The following DDX59 variants were observed in gnomAD, a reference collection of about 807,000 sequenced individuals.
DDX59 encodes the protein probable ATP-dependent RNA helicase DDX59.
A neutral mutation model predicts 51.9 loss-of-function variants in DDX59; 30 were observed. The observed-to-expected ratio is 0.58, with a 90% CI of 0.43 to 0.78. DDX59 has a LOEUF of 0.78. Ranked by LOEUF, DDX59 falls within the 30% of genes least tolerant of loss-of-function variation. The pLI is 0.00. For synonymous variants in DDX59, 255 were observed against 253.3 expected (o/e 1.01, Z -0.06); for missense variants, 672 against 730.8 (o/e 0.92, Z 0.93).
intron 6 of DDX59, 74 bp from the exon 7 acceptor site, chr1:200,648,641 C>A: frequency 6.8e-7 from 1 of 1,472,692 alleles, no homozygotes; most frequent in African/African-American, 1.4e-5. Context: ...GATAGCTTTT[C>A]TTTTTATAAT....
At chr1:200,658,997 T>G in intron 4 of DDX59, 30 bp downstream of exon 4, 4 of 1,523,158 alleles carry the variant, frequency 2.6e-6, no homozygotes, top group Non-Finnish European at 3.6e-6. Flanking sequence ...TGTAAAATCA[T>G]GTAACTGTTT....
intron 4 of DDX59, among the ~76,000 whole-genome samples, chr1:200,654,195 C>T (rs61825108): frequency 6.6e-6 from 1 of 152,078 alleles, no homozygotes; most frequent in African/African-American, 2.4e-5. Flanking sequence ...GGGCGGATCA[C>T]GAGGTCAGGA....
intron 2 of DDX59, 60 bp downstream of exon 2, chr1:200,665,877 T>C (rs1439953406): frequency 1.3e-6 from 2 of 1,493,628 alleles, no homozygotes; most frequent in Middle Eastern, 1.8e-4. Context: ...AAATGAAACT[T>C]GGTAAATACC....
chr1:200,668,144 C>T (rs1483074874), intron 1 of DDX59, among the ~76,000 whole-genome samples: 2 of 151,688 alleles, frequency 1.3e-5, no homozygotes, highest in Non-Finnish European at 2.9e-5. Flanking sequence ...TAAAACAAAA[C>T]AAAACAAAAA....
In DDX59 at chr1:200,644,418, GC is replaced by G. The variant is rs1558111030; in HGVS notation, c.1695del (p.Lys565AsnfsTer12). On this transcript the variant is annotated frameshift_variant, in exon 8 of 8. Coordinates refer to ENST00000331314, the MANE Select transcript of DDX59 (RefSeq NM_001031725.6). LOFTEE classifies it high-confidence loss of function. ...RLFWDIAKRVKPTGSILPPQL... is the reference protein window; with the variant it reads ...RLFWDIAKRVXPTGSILPPQL... Reference sequence around the variant, plus strand: ...TGAGGGGGAAGAATGGATCCTGTGGGCTTTACTCGTTTTGCAATATCCCAGA... The same window carrying G: ...TGAGGGGGAAGAATGGATCCTGTGGGTTTACTCGTTTTGCAATATCCCAGA... 1 of 1,613,718 alleles carries G rather than the reference GC, an allele frequency of 6.2e-7. No individual in the cohort carries two copies.
At chr1:200,653,199 G>A (rs1232552994) in intron 4 of DDX59, among the ~76,000 whole-genome samples, 1 of 152,154 alleles carries the variant, frequency 6.6e-6, no homozygotes, top group Non-Finnish European at 1.5e-5. Flanking sequence ...GGCCACAACT[G>A]CTTCCCCGAA....
downstream of DDX59, among the ~76,000 whole-genome samples, chr1:200,641,874 A>T (rs961725076): frequency 6.6e-6 from 1 of 152,108 alleles, no homozygotes; most frequent in Non-Finnish European, 1.5e-5. Context: ...GTGGTGGTGT[A>T]CAGCTGTAGT....
At chr1:200,656,565 C>G (rs16847097) in intron 4 of DDX59, among the ~76,000 whole-genome samples, 1 of 152,106 alleles carries the variant, frequency 6.6e-6, no homozygotes, top group East Asian at 1.9e-4. Flanking sequence ...ATTATGTTTA[C>G]CAGCTCATTT....
chr1:200,666,872 C>T, intron 1 of DDX59, 121 bp from the exon 2 acceptor site: 1 of 953,754 alleles, frequency 1.0e-6, no homozygotes, highest in South Asian at 1.7e-5. Context: ...CTTTGGGAGG[C>T]CGAGGCAGGC....
intron 4 of DDX59, among the ~76,000 whole-genome samples, chr1:200,657,826 A>G (rs1451379773): frequency 6.6e-6 from 1 of 151,662 alleles, no homozygotes; most frequent in Admixed American, 6.6e-5. Context: ...CTGAGGCAGG[A>G]GAACCACTTG....
chr1:200,658,495 G>A (rs1441959842), intron 4 of DDX59, among the ~76,000 whole-genome samples: 1 of 152,112 alleles, frequency 6.6e-6, no homozygotes, highest in African/African-American at 2.4e-5. Flanking sequence ...AGGAGTTCAA[G>A]ACTAATCAGC....
rs773992801 is a variant in DDX59 at position 200,649,101 on chromosome 1, C to A, written c.1440G>T (p.Ser480=). ...LKSISIHSEK[S]QIERKNILKG... ...TCAATATGTTTTTCCTTTCTATTTG[C>A]GACTTCTCTGAATGTATAGATATGC... Residue 480 remains serine (S), a synonymous_variant, in exon 6 of 8, where the codon TCG becomes TCT. Transcript: ENST00000331314. The A allele has an allele frequency of 4.0e-5, 62 of 1,566,050 alleles. No individual in the cohort carries two copies. The highest frequency in any genetic ancestry group is 4.8e-5 in the Non-Finnish European group (56 of 1,164,226).
intron 1 of DDX59, 79 bp from the exon 2 acceptor site, chr1:200,666,830 A>G: frequency 7.0e-7 from 1 of 1,429,462 alleles, no homozygotes; most frequent in Non-Finnish European, 9.5e-7. Flanking sequence ...ATTAAGGACA[A>G]GGTGCGGTGG....
Position 200,644,421 on chromosome 1 carries a change from T to C in DDX59, c.1693A>G (p.Lys565Glu). ...RLFWDIAKRV[K>E]PTGSILPPQL... The stretch of plus-strand genomic sequence containing the variant: ...GGGGGAAGAATGGATCCTGTGGGCT[T>C]TACTCGTTTTGCAATATCCCAGAAG... Residue 565 changes from lysine to glutamate, a missense_variant, in exon 8 of 8, where the codon AAG becomes GAG. Lys to Glu is a moderately conservative substitution (Grantham distance 56). Coordinates refer to ENST00000331314, the MANE Select transcript of DDX59 (RefSeq NM_001031725.6). 2.5e-6 allele frequency: 4 copies of C among 1,613,830 alleles called. No individual in the cohort carries two copies. The highest frequency in any genetic ancestry group is 3.4e-6 in the Non-Finnish European group (4 of 1,179,910).
intron 4 of DDX59, among the ~76,000 whole-genome samples, 167 bp from the exon 5 acceptor site, chr1:200,650,843 CTG>C (rs895244571): frequency 6.6e-6 from 1 of 152,098 alleles, no homozygotes; most frequent in East Asian, 1.9e-4. Flanking sequence ...AAATTATAAA[CTG>C]TGCAACTAAA....
At chr1:200,655,592 G>T (rs1048571203) in intron 4 of DDX59, among the ~76,000 whole-genome samples, 20 of 152,082 alleles carry the variant, frequency 1.3e-4, no homozygotes, top group African/African-American at 4.6e-4. Flanking sequence ...CTTCAAGCTG[G>T]TGGTCTCTTC....
chr1:200,664,443 C>A (rs1662582023), intron 2 of DDX59, among the ~76,000 whole-genome samples: 1 of 152,184 alleles, frequency 6.6e-6, no homozygotes. Context: ...CTGGTCAAAG[C>A]TGGCATGCTA....
chr1:200,650,482 C>G lies in DDX59; in HGVS notation c.1257G>C (p.Gln419His). ...EKNLPCANVRQIILWVEDPAK... is the reference protein window; with the variant it reads ...EKNLPCANVRHIILWVEDPAK... ...CTGGGTCTTCTACCCACAAAATAAT[C>G]TGACGTACATTGGCACAAGGTAGGT... Residue 419 changes from glutamine to histidine, a missense_variant, in exon 5 of 8, where the codon CAG becomes CAC. By Grantham distance (24) the Gln-to-His change is conservative (BLOSUM62 0). Transcript: ENST00000331314. 1 of 1,613,912 alleles carries G rather than the reference C, an allele frequency of 6.2e-7. No homozygotes were observed. The highest frequency in any genetic ancestry group is 8.5e-7 in the Non-Finnish European group (1 of 1,179,862).
intron 4 of DDX59, among the ~76,000 whole-genome samples, chr1:200,653,952 T>C (rs1661835806): frequency 6.6e-6 from 1 of 152,228 alleles, no homozygotes; most frequent in Admixed American, 6.5e-5. Flanking sequence ...AGACAGTTTG[T>C]GTGTCTCATC....
Sources: gnomAD v4.1 joint callset for allele counts (sites outside exome capture counted in the v4.1 genomes callset) on GRCh38, gnomAD v4.1.1 for gene constraint, MANE v1.5 for transcripts, NCBI Gene and HGNC (gene_info 2026-07-23, HGNC 2026-07-21) for gene names.